CHRM3: variants seen among roughly 807,000 people sequenced by gnomAD.
CHRM3 encodes the protein muscarinic acetylcholine receptor M3.
Under a neutral mutation model 41.8 loss-of-function variants are expected in CHRM3, and 11 were observed. The observed-to-expected ratio is 0.26, with a 90% CI of 0.17 to 0.44. The LOEUF is 0.44. Ranked by LOEUF, CHRM3 falls within the 20% of genes least tolerant of loss-of-function variation. The pLI is 1.00. For synonymous variants in CHRM3, 297 were observed against 301.4 expected, an observed-to-expected ratio of 0.99 and a Z score of 0.15; for missense variants, 571 against 745.4, an observed-to-expected ratio of 0.77 and a Z score of 2.72.
intron 6 of CHRM3, chr1:239,899,634 A>G (rs1186175874): frequency 6.6e-6 from 1 of 152,038 alleles, no homozygotes; most frequent in Non-Finnish European, 1.5e-5. Context: ...TACATTGTAT[A>G]TAAGTAAGTA....
rs1036077860 is a variant in CHRM3 at position 239,902,064 on chromosome 1, C to T, written c.-19-5369C>T. ...TCAGAAGACCAAGTGTTTGCAGTTT[C>T]AAAGCCCTTATCTTTAAATCCCTTC... On this transcript the variant is annotated intron_variant, in intron 6 of 6. Coordinates refer to ENST00000676153, the MANE Select transcript of CHRM3 (RefSeq NM_001375978.1). 6.6e-5 allele frequency among the ~76,000 whole-genome samples: 10 copies of T among 152,120 alleles called. No individual in the cohort carries two copies. In the South Asian group the frequency reaches 2.1e-3, roughly 32 times the overall value.
intron 4 of CHRM3, among the ~76,000 whole-genome samples, chr1:239,671,302 G>A (rs925400050): frequency 1.6e-4 from 24 of 152,180 alleles, no homozygotes; most frequent in African/African-American, 5.3e-4. Context: ...CCCAGGCTGG[G>A]CGCAGTGGCT....
At chr1:239,810,394 C>T (rs748933635) in intron 5 of CHRM3, among the ~76,000 whole-genome samples, 8 of 152,150 alleles carry the variant, frequency 5.3e-5, no homozygotes, top group South Asian at 2.1e-4. Flanking sequence ...GAGGGGACCA[C>T]GCTGCTTGTC....
At chr1:239,881,151 T>G (rs374763884) in intron 6 of CHRM3, among the ~76,000 whole-genome samples, 1 of 150,922 alleles carries the variant, frequency 6.6e-6, no homozygotes, top group Non-Finnish European at 1.5e-5. Flanking sequence ...GGCGTGGTGG[T>G]GGGCGCCTGT....
chr1:239,577,282 C>A (rs1662457498), intron 3 of CHRM3, among the ~76,000 whole-genome samples: 2 of 151,638 alleles, frequency 1.3e-5, no homozygotes, highest in Admixed American at 1.3e-4. Context: ...TGTTTATTCA[C>A]TGATAAGGTT....
chr1:239,676,604 G>A (rs555260388), intron 4 of CHRM3, among the ~76,000 whole-genome samples: 13 of 152,228 alleles, frequency 8.5e-5, no homozygotes, highest in African/African-American at 2.9e-4. Context: ...CAAGAACCCT[G>A]GCATCACAGC....
At chr1:239,456,957 T>C (rs1051551022) in intron 1 of CHRM3, among the ~76,000 whole-genome samples, 1 of 152,230 alleles carries the variant, frequency 6.6e-6, no homozygotes, top group Non-Finnish European at 1.5e-5. Flanking sequence ...ATCTTTACTA[T>C]GTACTTGAAG....
intron 6 of CHRM3, among the ~76,000 whole-genome samples, chr1:239,861,178 G>T (rs756323254): frequency 1.3e-5 from 2 of 152,040 alleles, no homozygotes; most frequent in Non-Finnish European, 2.9e-5. Flanking sequence ...GCAAAAACAA[G>T]CTATGAAGCT....
intron 2 of CHRM3, among the ~76,000 whole-genome samples, chr1:239,519,080 T>C (rs563798016): frequency 1.3e-5 from 2 of 152,310 alleles, no homozygotes; most frequent in South Asian, 4.1e-4. Context: ...CTTTTTGGAT[T>C]ACTGCTATCT....
At chr1:239,693,221 T>C (rs1257790336) in intron 5 of CHRM3, among the ~76,000 whole-genome samples, 1 of 152,182 alleles carries the variant, frequency 6.6e-6, no homozygotes, top group Non-Finnish European at 1.5e-5. Flanking sequence ...TAGTAATTCT[T>C]AGACTCTTCA....
chr1:239,708,745 T>TTC (rs1558474365), intron 5 of CHRM3, among the ~76,000 whole-genome samples: 1 of 138,924 alleles, frequency 7.2e-6, no homozygotes, highest in African/African-American at 2.7e-5. Context: ...TCTTTTTTTT[T>TTC]TTTTTTTTTT....
chr1:239,604,407 G>A (rs902644380), intron 3 of CHRM3, among the ~76,000 whole-genome samples: 1 of 151,854 alleles, frequency 6.6e-6, no homozygotes, highest in Non-Finnish European at 1.5e-5. Flanking sequence ...TGCTTCCTGG[G>A]CTAGATAAAT....
At chr1:239,797,491 A>G (rs550996180) in intron 5 of CHRM3, among the ~76,000 whole-genome samples, 3 of 152,032 alleles carry the variant, frequency 2.0e-5, no homozygotes, top group Non-Finnish European at 4.4e-5. Flanking sequence ...GGCCCACTTG[A>G]AGGAATAATT....
chr1:239,819,877 G>A (rs188852046), intron 5 of CHRM3, among the ~76,000 whole-genome samples: 12 of 152,200 alleles, frequency 7.9e-5, no homozygotes, highest in Admixed American at 2.0e-4. Flanking sequence ...ATGGAATTCC[G>A]TACTTCCCTC....
chr1:239,839,015 A>G (rs1317614306), intron 6 of CHRM3, among the ~76,000 whole-genome samples: 1 of 152,260 alleles, frequency 6.6e-6, no homozygotes, highest in Non-Finnish European at 1.5e-5. Flanking sequence ...ACAGGTAAAA[A>G]GAAGAGAGCA....
intron 3 of CHRM3, among the ~76,000 whole-genome samples, chr1:239,566,829 A>G (rs1431822090): frequency 6.6e-6 from 1 of 152,202 alleles, no homozygotes; most frequent in East Asian, 1.9e-4. Context: ...TTACAAATAC[A>G]ATTCCTTTCA....
intron 4 of CHRM3, among the ~76,000 whole-genome samples, chr1:239,636,704 A>G (rs541920783): frequency 6.6e-6 from 1 of 152,296 alleles, no homozygotes; most frequent in South Asian, 2.1e-4. Context: ...GAGGAGAAAA[A>G]TCTGTTTTTA....
intron 6 of CHRM3, among the ~76,000 whole-genome samples, chr1:239,901,006 G>C (rs144643211): frequency 6.6e-6 from 1 of 151,958 alleles, no homozygotes. Flanking sequence ...CAAGGTGTTC[G>C]CCCAGCTGAG....
intron 5 of CHRM3, among the ~76,000 whole-genome samples, chr1:239,796,133 A>G (rs1669746730): frequency 1.3e-5 from 2 of 152,162 alleles, no homozygotes; most frequent in African/African-American, 4.8e-5. Flanking sequence ...TATATATTAA[A>G]TACATACCTA....
Sources: allele counts gnomAD v4.1 joint callset (sites outside exome capture counted in the v4.1 genomes callset), GRCh38; gene constraint gnomAD v4.1.1; transcripts MANE v1.5; gene names NCBI Gene and HGNC (gene_info 2026-07-23, HGNC 2026-07-21).